Variants in MAST2 observed in about 807,000 individuals in gnomAD.
MAST2 encodes microtubule associated serine/threonine kinase 2.
A neutral mutation model predicts 147.4 loss-of-function variants in MAST2; 70 were observed. That is an observed-to-expected ratio of 0.47 (90% CI 0.39 to 0.58). The LOEUF (loss-of-function observed/expected upper bound fraction) is 0.58, where lower values mean the gene tolerates loss of function less well. Among genes scored for constraint, MAST2 ranks in the 20% least tolerant of loss-of-function variants. The pLI, the probability that MAST2 is intolerant of heterozygous loss-of-function variation, is 0.00. For missense variants in MAST2, 2,080 were observed against 2,302.3 expected (o/e 0.90, Z 1.98); for synonymous variants, 869 against 896.8 (o/e 0.97, Z 0.55).
chr1:45,907,314 T>C (rs1650922277), intron 4 of MAST2, among the ~76,000 whole-genome samples: 1 of 152,166 alleles, frequency 6.6e-6, no homozygotes. Flanking sequence ...TCTGTGCCCA[T>C]CCCAAGATCA....
At chr1:45,992,366 T>C (rs1360162409) in intron 5 of MAST2, among the ~76,000 whole-genome samples, 1 of 152,240 alleles carries the variant, frequency 6.6e-6, no homozygotes, top group Admixed American at 6.5e-5. Context: ...TGTTGAGCCA[T>C]CCTTGCATAC....
chr1:45,816,877 C>T (rs997821291), intron 1 of MAST2, among the ~76,000 whole-genome samples: 1 of 152,048 alleles, frequency 6.6e-6, no homozygotes, highest in Non-Finnish European at 1.5e-5. Flanking sequence ...CGGGGTTTCA[C>T]CGTGTCAACC....
chr1:45,984,288 T>A (rs1644527164), intron 5 of MAST2, among the ~76,000 whole-genome samples: 1 of 151,792 alleles, frequency 6.6e-6, no homozygotes, highest in Non-Finnish European at 1.5e-5. Context: ...GAGGTTTATT[T>A]TATTTTATTT....
intron 5 of MAST2, among the ~76,000 whole-genome samples, chr1:45,981,113 C>G (rs895912992): frequency 1.3e-5 from 2 of 151,898 alleles, no homozygotes; most frequent in Admixed American, 6.6e-5. Flanking sequence ...ACTCCAGTGC[C>G]CAGGCTGGAG....
chr1:45,808,804 C>T (rs892571719), intron 1 of MAST2, among the ~76,000 whole-genome samples: 5 of 151,928 alleles, frequency 3.3e-5, no homozygotes, highest in Admixed American at 2.6e-4. Flanking sequence ...CATTTCATTT[C>T]TCCTTATTCA....
chr1:45,863,193 C>T (rs150019398), intron 3 of MAST2, among the ~76,000 whole-genome samples: 13 of 151,898 alleles, frequency 8.6e-5, no homozygotes, highest in Admixed American at 3.9e-4. Flanking sequence ...TACTGATTAC[C>T]GGGTTGAATA....
At chr1:45,942,486 C>T (rs546279019) in intron 4 of MAST2, among the ~76,000 whole-genome samples, 2 of 152,228 alleles carry the variant, frequency 1.3e-5, no homozygotes, top group African/African-American at 2.4e-5. Flanking sequence ...GCTGAGAATT[C>T]GGTGCTTGTA....
intron 5 of MAST2, among the ~76,000 whole-genome samples, chr1:45,961,870 C>A (rs1254573705): frequency 6.6e-6 from 1 of 152,040 alleles, no homozygotes; most frequent in Non-Finnish European, 1.5e-5. Flanking sequence ...GTGCTGCACC[C>A]ATTAACTCGT....
intron 3 of MAST2, among the ~76,000 whole-genome samples, chr1:45,862,485 A>T (rs1425569216): frequency 1.7e-5 from 2 of 114,490 alleles, no homozygotes; most frequent in Non-Finnish European, 3.7e-5. Context: ...TGAGGACTGA[A>T]GATTTTTTTT....
intron 3 of MAST2, among the ~76,000 whole-genome samples, chr1:45,830,244 G>A (rs1220610457): frequency 2.2e-5 from 3 of 134,370 alleles, no homozygotes; most frequent in Non-Finnish European, 4.6e-5. Flanking sequence ...GTGCAATCTC[G>A]GCTCACTGCA....
intron 3 of MAST2, among the ~76,000 whole-genome samples, chr1:45,874,528 T>C (rs1479271467): frequency 6.6e-6 from 1 of 152,222 alleles, no homozygotes; most frequent in African/African-American, 2.4e-5. Context: ...GCTGAAATTA[T>C]TGCAATTGAT....
chr1:45,947,103 T>C (rs1390704426), intron 4 of MAST2, among the ~76,000 whole-genome samples: 2 of 152,158 alleles, frequency 1.3e-5, no homozygotes, highest in Non-Finnish European at 2.9e-5. Context: ...TAGGGAAAGC[T>C]ATGTAGCATT....
At chr1:45,886,476 C>T (rs1647095469) in intron 4 of MAST2, among the ~76,000 whole-genome samples, 1 of 151,720 alleles carries the variant, frequency 6.6e-6, no homozygotes, top group South Asian at 2.1e-4. Context: ...GTTCTTTTGG[C>T]CTGGCTCATA....
intron 1 of MAST2, among the ~76,000 whole-genome samples, chr1:45,808,985 T>A (rs529925347): frequency 6.6e-6 from 1 of 152,348 alleles, no homozygotes; most frequent in South Asian, 2.1e-4. Context: ...ATTAAAATTA[T>A]CTTGTTTCTC....
intron 4 of MAST2, among the ~76,000 whole-genome samples, chr1:45,948,109 C>T (rs1467784695): frequency 6.6e-6 from 1 of 152,202 alleles, no homozygotes; most frequent in African/African-American, 2.4e-5. Flanking sequence ...TATCCGCCAA[C>T]AGCAGCCAGG....
intron 4 of MAST2, among the ~76,000 whole-genome samples, chr1:45,899,889 C>G (rs1649453445): frequency 6.6e-6 from 1 of 151,370 alleles, no homozygotes; most frequent in African/African-American, 2.4e-5. Flanking sequence ...TTTCCCGGCC[C>G]AGCGCGATGG....
chr1:45,980,449 G>A (rs1386255527), intron 5 of MAST2, among the ~76,000 whole-genome samples: 27 of 151,964 alleles, frequency 1.8e-4, no homozygotes, highest in Admixed American at 5.9e-4. Context: ...AAGTGTACCC[G>A]CTGAATCTAA....
At position 46,024,484 on chromosome 1, in the gene MAST2, C is replaced by T. The variant is rs530268148; in HGVS notation, c.1780+504C>T. 2.0e-4 allele frequency: 36 copies of T among 181,488 alleles called. No homozygotes were observed. In the East Asian group the frequency reaches 3.7e-3, roughly 18 times the overall value. The allele number at this position is 181,488 out of a possible 1,614,324, so 11.2% of individuals were successfully genotyped here. On this transcript the variant is annotated intron_variant, in intron 15 of 28. Coordinates refer to ENST00000361297, the MANE Select transcript of MAST2 (RefSeq NM_015112.3). ...GCAGCTTTGCCAGTTTCCCTTCCCT[C>T]TCACCTTCTCACTGTGTGTACAGCC...
chr1:45,923,307 C>A (rs1653835671), intron 4 of MAST2, among the ~76,000 whole-genome samples: 1 of 152,230 alleles, frequency 6.6e-6, no homozygotes, highest in Non-Finnish European at 1.5e-5. Flanking sequence ...TGTCCTGCAT[C>A]TGTACCCCAC....
Sources: allele counts gnomAD v4.1 joint callset (sites outside exome capture counted in the v4.1 genomes callset), GRCh38; gene constraint gnomAD v4.1.1; transcripts MANE v1.5; gene names NCBI Gene and HGNC (gene_info 2026-07-23, HGNC 2026-07-21).